FYN: variants seen among roughly 807,000 people sequenced by gnomAD.
The protein encoded by FYN is tyrosine-protein kinase Fyn.
Under a neutral mutation model 70.2 loss-of-function variants are expected in FYN, and 10 were observed. The observed-to-expected ratio is 0.14, with a 90% CI of 0.09 to 0.24. The LOEUF is 0.24. Among genes scored for constraint, FYN ranks in the 10% least tolerant of loss-of-function variants. FYN has a pLI of 1.00. For synonymous variants in FYN, 236 were observed against 248.6 expected (o/e 0.95, Z 0.48); for missense variants, 319 against 673.1 (o/e 0.47, Z 5.82).
intron 2 of FYN, among the ~76,000 whole-genome samples, chr6:111,788,698 T>G (rs960143505): frequency 6.6e-6 from 1 of 152,174 alleles, no homozygotes; most frequent in African/African-American, 2.4e-5. Context: ...AAGCCCAAAC[T>G]TGATTGTCTG....
chr6:111,673,297 G>A (rs1254424219), intron 13 of FYN, among the ~76,000 whole-genome samples: 20 of 152,040 alleles, frequency 1.3e-4, no homozygotes, highest in Admixed American at 6.6e-5. Context: ...AGCAGTCACC[G>A]CAGCATCAAT....
At chr6:111,682,756 G>A (rs1426410848) in intron 12 of FYN, among the ~76,000 whole-genome samples, 2 of 152,180 alleles carry the variant, frequency 1.3e-5, no homozygotes, top group Non-Finnish European at 2.9e-5. Context: ...TGGATTTGCT[G>A]GTTGATCATT....
intron 3 of FYN, among the ~76,000 whole-genome samples, chr6:111,739,659 T>C (rs1250754364): frequency 2.0e-5 from 3 of 152,264 alleles, no homozygotes; most frequent in Non-Finnish European, 4.4e-5. Context: ...GCTCTCTTCC[T>C]TTCTCATTCC....
chr6:111,789,590 T>C (rs905598460), intron 2 of FYN, among the ~76,000 whole-genome samples: 37 of 152,230 alleles, frequency 2.4e-4, no homozygotes, highest in African/African-American at 8.4e-4. Context: ...ATTCTGCTTC[T>C]ATGAGACTCA....
At chr6:111,757,907 T>C (rs1261955535) in intron 3 of FYN, among the ~76,000 whole-genome samples, 1 of 152,222 alleles carries the variant, frequency 6.6e-6, no homozygotes, top group South Asian at 2.1e-4. Context: ...AAGGAAACTA[T>C]GGCACATACG....
chr6:111,814,405 CAT>C (rs1214325082), intron 2 of FYN, among the ~76,000 whole-genome samples: 1 of 151,950 alleles, frequency 6.6e-6, no homozygotes, highest in Non-Finnish European at 1.5e-5. Context: ...AAATCTGAAA[CAT>C]AAAAAGATTT....
At chr6:111,803,980 A>G (rs1487527987) in intron 2 of FYN, among the ~76,000 whole-genome samples, 2 of 152,168 alleles carry the variant, frequency 1.3e-5, no homozygotes, top group Non-Finnish European at 2.9e-5. Flanking sequence ...TCTCCCAGAA[A>G]TGACCTCCTC....
At chr6:111,761,259 G>A (rs1802995954) in intron 3 of FYN, among the ~76,000 whole-genome samples, 1 of 152,354 alleles carries the variant, frequency 6.6e-6, no homozygotes, top group South Asian at 2.1e-4. Flanking sequence ...GCTGGACTAA[G>A]AAGTTAAGCC....
intron 3 of FYN, among the ~76,000 whole-genome samples, chr6:111,736,010 A>G (rs1165500198): frequency 6.6e-6 from 1 of 152,228 alleles, no homozygotes; most frequent in Non-Finnish European, 1.5e-5. Flanking sequence ...CTGCCTAAAC[A>G]TGATGAGGAC....
intron 12 of FYN, among the ~76,000 whole-genome samples, chr6:111,684,498 G>C (rs1272476083): frequency 6.6e-6 from 1 of 152,180 alleles, no homozygotes; most frequent in East Asian, 1.9e-4. Context: ...CTGGACTCTA[G>C]GTATTAATCC....
intron 2 of FYN, among the ~76,000 whole-genome samples, chr6:111,787,383 T>C (rs911048888): frequency 1.3e-5 from 2 of 152,180 alleles, no homozygotes; most frequent in Admixed American, 6.5e-5. Flanking sequence ...TGTAGATGTG[T>C]CGTATTATTT....
In FYN at chr6:111,850,266, T is replaced by G. The variant is rs376197880; in HGVS notation, c.-122-3637A>C. On this transcript the variant is annotated intron_variant, in intron 1 of 13. Transcript: ENST00000354650. ...ATGGAAGATTGAGAGAAAAACAAGG[T>G]ATAATTTTCCCTTGCCATGGTGTCT... Among the ~76,000 whole-genome samples, 24 of 152,326 alleles carry G rather than the reference T, an allele frequency of 1.6e-4. No individual in the cohort carries two copies. In the South Asian group the frequency reaches 5.0e-3, roughly 32 times the overall value.
intron 2 of FYN, among the ~76,000 whole-genome samples, chr6:111,824,670 T>C (rs1271502986): frequency 2.0e-5 from 3 of 152,182 alleles, no homozygotes; most frequent in Non-Finnish European, 2.9e-5. Flanking sequence ...TACTCTGAAT[T>C]TCACTTTTTA....
rs1798451947 is a variant in FYN, at chr6:111,674,581, C to T, written c.1323G>A (p.Gly441=). The change falls in exon 13 of 14, where the codon GGG becomes GGA. Residue 441 remains glycine (G), a synonymous_variant. Coordinates refer to ENST00000354650, the MANE Select transcript of FYN (RefSeq NM_002037.5). ...ACACGTCAGACTTGATTGTGAACCTCCCGTACAGGGCTGCCTCGGGGGCCG... is the reference window on the plus strand; with the variant it reads ...ACACGTCAGACTTGATTGTGAACCTTCCGTACAGGGCTGCCTCGGGGGCCG... ...KWTAPEAALY[G]RFTIKSDVWS... The T allele has an allele frequency of 6.2e-7, 1 of 1,614,042 alleles. No individual in the cohort carries two copies. The highest frequency in any genetic ancestry group is 8.5e-7 in the Non-Finnish European group (1 of 1,179,940).
At chr6:111,787,812 T>C (rs1324745606) in intron 2 of FYN, among the ~76,000 whole-genome samples, 1 of 152,208 alleles carries the variant, frequency 6.6e-6, no homozygotes, top group Admixed American at 6.5e-5. Context: ...ACCAGACTTC[T>C]TCCCCTGCAG....
chr6:111,700,267 C>G lies in FYN; in HGVS notation c.699G>C (p.Glu233Asp). 6.2e-7 allele frequency: 1 copy of G among 1,614,046 alleles called. No homozygotes were observed. ...TLQQLVQHYS[E>D]RAAGLCCRLV... ...GGCGGCAGCAGAGACCTGCAGCTCTCTCTGATGGAGCAGGGCAGGGGCAGG... is the reference window on the plus strand; with the variant it reads ...GGCGGCAGCAGAGACCTGCAGCTCTGTCTGATGGAGCAGGGCAGGGGCAGG... The change falls in exon 9 of 14, where the codon GAG becomes GAC. Residue 233 changes from glutamate to aspartate, a missense_variant and splice_region_variant. Coordinates refer to ENST00000354650, the MANE Select transcript of FYN (RefSeq NM_002037.5).
At chr6:111,836,268 T>C (rs897359850) in intron 2 of FYN, among the ~76,000 whole-genome samples, 2 of 152,166 alleles carry the variant, frequency 1.3e-5, no homozygotes, top group Non-Finnish European at 2.9e-5. Context: ...GATGGCGATA[T>C]GACGGAAAAT....
chr6:111,861,411 T>G (rs1773958259), intron 1 of FYN, among the ~76,000 whole-genome samples: 1 of 152,174 alleles, frequency 6.6e-6, no homozygotes, highest in African/African-American at 2.4e-5. Context: ...ATCTCCCACA[T>G]TTAAGGTGGT....
intron 12 of FYN, among the ~76,000 whole-genome samples, chr6:111,688,667 TCATGTTG>T (rs908483207): frequency 3.9e-4 from 60 of 152,074 alleles, no homozygotes; most frequent in African/African-American, 1.3e-3. Context: ...TCATGTGTGC[TCATGTTG>T]ATGTGTGTAT....
Sources: allele counts gnomAD v4.1 joint callset (sites outside exome capture counted in the v4.1 genomes callset), GRCh38; gene constraint gnomAD v4.1.1; transcripts MANE v1.5; gene names NCBI Gene and HGNC (gene_info 2026-07-23, HGNC 2026-07-21).